The following MYO9A variants were observed in gnomAD, a reference collection of about 807,000 sequenced individuals.
MYO9A encodes myosin IXA.
A neutral mutation model predicts 293.3 loss-of-function variants in MYO9A; 103 were observed. That is an observed-to-expected ratio of 0.35 (90% confidence interval 0.30 to 0.41). The LOEUF (loss-of-function observed/expected upper bound fraction) is 0.41, where lower values mean the gene tolerates loss of function less well. MYO9A is among the 10% of genes least tolerant of loss of function. The pLI, the probability that MYO9A is intolerant of heterozygous loss-of-function variation, is 1.00. For missense variants in MYO9A, 2,685 were observed against 3,033.0 expected (o/e 0.89, Z 2.69); for synonymous variants, 1,001 against 1,035.7 (o/e 0.97, Z 0.64).
chr15:71,965,543 C>G (rs934396525), intron 13 of MYO9A, among the ~76,000 whole-genome samples: 4 of 152,032 alleles, frequency 2.6e-5, no homozygotes, highest in African/African-American at 9.7e-5. Context: ...GTCAGATGTT[C>G]GAGACCAGCC....
Position 72,096,275 on chromosome 15 carries a change from C to T in MYO9A, c.-72+21405G>A, listed in dbSNP as rs549567546. 2.6e-5 allele frequency among the ~76,000 whole-genome samples: 4 copies of T among 151,978 alleles called. No homozygotes were observed. In the East Asian group the frequency reaches 7.7e-4, roughly 29 times the overall value. On this transcript the variant is annotated intron_variant, in intron 1 of 41. Coordinates refer to ENST00000356056, the MANE Select transcript of MYO9A (RefSeq NM_006901.4). ...ATCACCTGAACCCAGGAGGCAGAGG[C>T]TGTAGTTAGTTGAGATCACACCACC... is the stretch of plus-strand genomic sequence containing the variant.
intron 3 of MYO9A, 102 bp downstream of exon 3, chr15:72,032,392 G>T: frequency 2.9e-6 from 2 of 695,224 alleles, no homozygotes; most frequent in Non-Finnish European, 4.3e-6. Context: ...TTTTAATGCT[G>T]ACACCAATGT....
Position 71,880,465 on chromosome 15 carries a change from T to G in MYO9A, c.5492A>C (p.Lys1831Thr). 1 of 1,614,222 alleles carries G rather than the reference T, an allele frequency of 6.2e-7. No individual in the cohort carries two copies. The highest frequency in any genetic ancestry group is 8.5e-7 in the Non-Finnish European group (1 of 1,180,016). ...CTTCACACTTCGCTTGCGCTTAGCCTTTGGAGAAGGTTCTTTGTTCTCTTT... is the reference window on the plus strand; with the variant it reads ...CTTCACACTTCGCTTGCGCTTAGCCGTTGGAGAAGGTTCTTTGTTCTCTTT... ...EFKENKEPSP[K>T]AKRKRSVKIS... is the part of the protein sequence containing the mutation. The change falls in exon 29 of 42, where the codon AAG (lysine) becomes ACG (threonine). Residue 1831 changes from lysine (K) to threonine (T), a missense_variant. This residue lies in a region of MYO9A where 1,434 missense variants were observed against 1,497.7 expected (regional missense o/e 0.96). Coordinates refer to ENST00000356056, the MANE Select transcript of MYO9A (RefSeq NM_006901.4).
At position 71,959,921 on chromosome 15, in the gene MYO9A, C is replaced by T. The variant is rs763470731; in HGVS notation, c.2162G>A (p.Arg721Lys). The stretch of plus-strand genomic sequence containing the variant: ...CTTACCAGTTTTTCTGTGAATGTTT[C>T]TTTTCCCAGCTTCCCTGAAAGCAAC... ...AMVAFREAGK[R>K]NIHRKTGHDD... Residue 721 changes from arginine to lysine, a missense_variant, in exon 14 of 42, where the codon AGA becomes AAA. Arg to Lys is a conservative substitution (Grantham distance 26). Around this residue, in one of 10 missense-constraint regions of MYO9A, gnomAD observed 1,434 missense variants for 1,497.7 expected, o/e 0.96. Coordinates refer to ENST00000356056, the MANE Select transcript of MYO9A (RefSeq NM_006901.4). The T allele has an allele frequency of 1.1e-5, 18 of 1,596,630 alleles. No individual in the cohort carries two copies. In the South Asian group the frequency reaches 2.0e-4, roughly 18 times the overall value.
At chr15:71,973,478 T>C (rs1325980175) in intron 12 of MYO9A, among the ~76,000 whole-genome samples, 3 of 152,116 alleles carry the variant, frequency 2.0e-5, no homozygotes, top group Admixed American at 6.6e-5. Flanking sequence ...GACACAGGGC[T>C]CACTACTAAG....
chr15:72,041,937 A>G (rs1006258571), intron 2 of MYO9A, among the ~76,000 whole-genome samples: 1 of 151,784 alleles, frequency 6.6e-6, no homozygotes, highest in South Asian at 2.1e-4. Flanking sequence ...TACTTTTAAA[A>G]TTGAAACCTT....
In MYO9A at chr15:72,100,890, C is replaced by T. The variant is rs1482774621; in HGVS notation, c.-72+16790G>A. ...GAGGTGGGGGGGGTCAGCCCCCCGC[C>T]GGCCAGCCGCCCGGTCCGGGAGGGA... is the stretch of plus-strand genomic sequence containing the variant. On this transcript the variant is annotated intron_variant, in intron 1 of 41. Coordinates refer to ENST00000356056, the MANE Select transcript of MYO9A (RefSeq NM_006901.4). Among the ~76,000 whole-genome samples, 506 of 144,880 alleles carry T rather than the reference C, an allele frequency of 3.5e-3. 3 individuals carry two copies. The highest frequency in any genetic ancestry group is 0.012 in the African/African-American group (466 of 38,788).
chr15:71,843,194 C>T lies in MYO9A; in HGVS notation c.6837+5651G>A, dbSNP rs548783912. ...CTGTAATCCCAGCACTTTGGGAGGC[C>T]GAGGTGGGTGGATCACTTGAGGTCA... On this transcript the variant is annotated intron_variant, in intron 39 of 41. Coordinates refer to ENST00000356056, the MANE Select transcript of MYO9A (RefSeq NM_006901.4). Among the ~76,000 whole-genome samples, 13 of 151,952 alleles carry T rather than the reference C, an allele frequency of 8.6e-5. No homozygotes were observed. The South Asian group carries it at 2.1e-3, about 24-fold the overall frequency.
chr15:71,965,824 A>C lies in MYO9A; in HGVS notation c.1986+2160T>G, dbSNP rs533012563. On this transcript the variant is annotated intron_variant, in intron 13 of 41. Coordinates refer to ENST00000356056, the MANE Select transcript of MYO9A (RefSeq NM_006901.4). Reference sequence around the variant, plus strand: ...GAACTGGCCCCTTTTATCATTATAAAATGTCCCTTTGTATCTCTAGTAATA... The same window carrying C: ...GAACTGGCCCCTTTTATCATTATAACATGTCCCTTTGTATCTCTAGTAATA... Among the ~76,000 whole-genome samples the C allele has an allele frequency of 3.7e-4, 56 of 152,278 alleles. 1 individual carries two copies. Among genetic ancestry groups the C allele is most frequent in the African/African-American group, 1.3e-3 (52 of 41,576 alleles).
intron 12 of MYO9A, among the ~76,000 whole-genome samples, chr15:71,975,081 T>G (rs1038702770): frequency 3.3e-5 from 5 of 152,228 alleles, no homozygotes; most frequent in African/African-American, 1.2e-4. Context: ...TTGCGGAGAC[T>G]GCTCCTGCTT....
At chr15:72,047,773 C>T (rs1003295470) in intron 1 of MYO9A, among the ~76,000 whole-genome samples, 11 of 25,364 alleles carry the variant, frequency 4.3e-4, no homozygotes, top group Admixed American at 6.2e-4. Context: ...TCAGTTACTT[C>T]CTTTTTTTTT....
Position 71,898,199 on chromosome 15 carries a change from A to T in MYO9A, c.4304T>A (p.Leu1435Gln). Residue 1435 changes from leucine (L) to glutamine (Q), a missense_variant, in exon 25 of 42, where the codon CTA (leucine) becomes CAA (glutamine). By Grantham distance (113) the Leu-to-Gln change is moderately radical (BLOSUM62 -2). Coordinates refer to ENST00000356056, the MANE Select transcript of MYO9A (RefSeq NM_006901.4). ...QQDPLKTNSQ[L>Q]DTSIQRNKLL... ...TTTGTTTCTTTGGATACTTGTGTCT[A>T]GTTGGGAATTTGTTTTCAGTGGGTC... 1 of 1,613,954 alleles carries T rather than the reference A, an allele frequency of 6.2e-7. No homozygotes were observed. Among genetic ancestry groups the T allele is most frequent in the Non-Finnish European group, 8.5e-7 (1 of 1,179,984 alleles).
chr15:71,852,116 G>A lies in MYO9A; in HGVS notation c.6475+16C>T. The A allele has an allele frequency of 6.2e-7, 1 of 1,601,620 alleles. No individual in the cohort carries two copies. Among genetic ancestry groups the A allele is most frequent in the Non-Finnish European group, 8.5e-7 (1 of 1,171,854 alleles). On this transcript the variant is annotated intron_variant, in intron 36 of 41. Coordinates refer to ENST00000356056, the MANE Select transcript of MYO9A (RefSeq NM_006901.4). ...AACTATAGGCCTTCTCTCTAACCCAGGAAGCCTATGCTTACCCATAGCTCG... is the reference window on the plus strand; with the variant it reads ...AACTATAGGCCTTCTCTCTAACCCAAGAAGCCTATGCTTACCCATAGCTCG...
chr15:71,830,447 G>A, intron 39 of MYO9A, 136 bp from the exon 40 acceptor site: 1 of 820,894 alleles, frequency 1.2e-6, no homozygotes. Flanking sequence ...GCGAGGCCTA[G>A]GATATTTAGT....
intron 18 of MYO9A, among the ~76,000 whole-genome samples, chr15:71,918,521 C>T (rs966179340): frequency 8.6e-5 from 13 of 151,894 alleles, no homozygotes; most frequent in African/African-American, 3.1e-4. Context: ...TAAAACAACA[C>T]ACATGTAAAA....
At position 71,822,638 on chromosome 15, in the gene MYO9A, C is replaced by A. The variant is rs1375449252; in HGVS notation, c.*3942G>T. On this transcript the variant is annotated 3_prime_UTR_variant, in exon 42 of 42. Transcript: ENST00000356056. Reference sequence around the variant, plus strand: ...GCATACTTATAAATTACTTAAAATCCATTAAAATAATATAATACGAATCTG... The same window carrying A: ...GCATACTTATAAATTACTTAAAATCAATTAAAATAATATAATACGAATCTG... 1 of 151,958 alleles carries A rather than the reference C, an allele frequency of 6.6e-6. No individual in the cohort carries two copies. Among genetic ancestry groups the A allele is most frequent in the African/African-American group, 2.4e-5 (1 of 41,374 alleles). The allele number at this position is 151,958 out of a possible 1,614,324, so 9.4% of individuals were successfully genotyped here.
At chr15:71,985,576 T>G (rs1009144906) in intron 11 of MYO9A, among the ~76,000 whole-genome samples, 1 of 152,170 alleles carries the variant, frequency 6.6e-6, no homozygotes, top group African/African-American at 2.4e-5. Flanking sequence ...TCCTCCTTAT[T>G]TTTGAGTCAG....
Position 72,046,608 on chromosome 15 carries a change from G to A in MYO9A, c.-45C>T, listed in dbSNP as rs893009510. 11 of 1,460,518 alleles carry A rather than the reference G, an allele frequency of 7.5e-6. No homozygotes were observed. Among genetic ancestry groups the A allele is most frequent in the East Asian group, 4.6e-5 (2 of 43,186 alleles). 90.5% of individuals were successfully genotyped at this position (1,460,518 alleles called of 1,614,324 possible). ...GCATGGATAGTATATGTTCAAAGTC[G>A]TGCAAACCATTTTCTTGGTAAAATA... On this transcript the variant is annotated 5_prime_UTR_variant, in exon 2 of 42. In the 5' UTR this introduces an upstream ATG that the reference lacks. Transcript: ENST00000356056.
intron 27 of MYO9A, 96 bp downstream of exon 27, chr15:71,887,908 T>C (rs1047351776): frequency 2.3e-4 from 144 of 617,888 alleles, no homozygotes; most frequent in Admixed American, 3.0e-4. Flanking sequence ...AAGTGGCCTA[T>C]CAATTATGGT....
Sources: allele counts gnomAD v4.1 joint callset (sites outside exome capture counted in the v4.1 genomes callset), GRCh38; gene constraint gnomAD v4.1.1; regional missense constraint gnomAD v4.1.1; transcripts MANE v1.5; gene names NCBI Gene and HGNC (gene_info 2026-07-23, HGNC 2026-07-21).